The following MAD1L1 variants were observed in gnomAD, a reference collection of about 807,000 sequenced individuals.
MAD1L1 encodes mitotic arrest deficient 1 like 1, also known as mitotic spindle assembly checkpoint protein MAD1.
In MAD1L1, 95 loss-of-function variants were observed where a neutral mutation model predicts 96.9. The observed-to-expected ratio is 0.98, with a 90% CI of 0.83 to 1.16. The LOEUF is 1.16. Ranked by LOEUF, MAD1L1 falls within the 50% of genes most tolerant of loss-of-function variation. The probability of loss-of-function intolerance (pLI) is 0.00; values close to 1 mark genes in which losing one functional copy is unlikely to be tolerated. For missense variants in MAD1L1, 1,007 were observed against 954.4 expected (o/e 1.06, Z -0.73); for synonymous variants, 473 against 396.6 (o/e 1.19, Z -2.29).
intron 10 of MAD1L1, among the ~76,000 whole-genome samples, chr7:2,179,552 C>T (rs549413971): frequency 6.7e-6 from 1 of 149,614 alleles, no homozygotes; most frequent in South Asian, 2.1e-4. Flanking sequence ...AAAGAAAAAT[C>T]GCACTCTACA....
chr7:1,843,449 CT>C (rs1783398245), intron 18 of MAD1L1, among the ~76,000 whole-genome samples: 1 of 152,104 alleles, frequency 6.6e-6, no homozygotes, highest in African/African-American at 2.4e-5. Flanking sequence ...CATCCAGCCC[CT>C]CCTGAGGGGG....
chr7:1,939,191 C>T (rs1350224208), intron 16 of MAD1L1, among the ~76,000 whole-genome samples: 23 of 48,206 alleles, frequency 4.8e-4, no homozygotes, highest in Admixed American at 1.1e-3. Context: ...GGACCAGAGG[C>T]GCTCACACAC....
chr7:1,867,372 C>T (rs953885594), intron 18 of MAD1L1, among the ~76,000 whole-genome samples: 1 of 152,160 alleles, frequency 6.6e-6, no homozygotes, highest in African/African-American at 2.4e-5. Context: ...AGGAGAGAAG[C>T]GGGTCCAGCA....
chr7:2,216,171 C>G lies in MAD1L1; in HGVS notation c.795G>C (p.Glu265Asp). ...LERELKQLREESAHLREMRET... is the reference protein window; with the variant it reads ...LERELKQLREDSAHLREMRET... ...CAACCCCTCACCGCAGGTGCGCGCT[C>G]TCCTCCCGCAGCTGCTTCAGCTCCC... The change falls in exon 8 of 19, where the codon GAG (glutamate) becomes GAC (aspartate). Residue 265 changes from glutamate (E) to aspartate (D), a missense_variant. Physicochemically the swap from Glu to Asp is conservative, Grantham distance 45 (BLOSUM62 2). Coordinates refer to ENST00000265854, the MANE Select transcript of MAD1L1 (RefSeq NM_001013836.2). The G allele has an allele frequency of 6.2e-7, 1 of 1,613,310 alleles. No homozygotes were observed. Among genetic ancestry groups the G allele is most frequent in the Non-Finnish European group, 8.5e-7 (1 of 1,179,926 alleles).
Position 1,968,191 on chromosome 7 carries a change from C to A in MAD1L1, c.1506-10472G>T, listed in dbSNP as rs1303568937. On this transcript the variant is annotated intron_variant, in intron 15 of 18. Coordinates refer to ENST00000265854, the MANE Select transcript of MAD1L1 (RefSeq NM_001013836.2). The surrounding 1 kb of genome is among the most constrained non-coding windows in gnomAD (Gnocchi z 5.6). ...TTCGCGGACGAGGCACCCGGCAGAG[C>A]ACGCCTCAATCCGGCGGTCAGGTCC... 6.6e-6 allele frequency among the ~76,000 whole-genome samples: 1 copy of A among 152,240 alleles called. No individual in the cohort carries two copies. The highest frequency in any genetic ancestry group is 1.5e-5 in the Non-Finnish European group (1 of 68,044).
intron 18 of MAD1L1, among the ~76,000 whole-genome samples, chr7:1,837,899 C>T (rs1488239694): frequency 6.6e-6 from 1 of 152,228 alleles, no homozygotes; most frequent in Non-Finnish European, 1.5e-5. Context: ...ATAACGCAGA[C>T]TCAGCAAACA....
intron 17 of MAD1L1, among the ~76,000 whole-genome samples, chr7:1,918,577 C>A (rs1323439805): frequency 6.6e-6 from 1 of 152,204 alleles, no homozygotes; most frequent in African/African-American, 2.4e-5. Context: ...GAGGGTGGTA[C>A]CCTTCCTCTA....
intron 12 of MAD1L1, among the ~76,000 whole-genome samples, chr7:2,053,037 C>T (rs1017272019): frequency 2.0e-5 from 3 of 152,138 alleles, no homozygotes; most frequent in Non-Finnish European, 4.4e-5. Flanking sequence ...ATCTGAAGGC[C>T]GAGCCGTCCC....
chr7:1,926,153 CAG>C (rs1789076765), intron 17 of MAD1L1, among the ~76,000 whole-genome samples: 1 of 152,290 alleles, frequency 6.6e-6, no homozygotes, highest in East Asian at 1.9e-4. Context: ...CATTTGATCA[CAG>C]ATATAATGAA....
At position 1,948,715 on chromosome 7, in the gene MAD1L1, C is replaced by T. The variant is rs919105609; in HGVS notation, c.1596+8914G>A. On this transcript the variant is annotated intron_variant, in intron 16 of 18. Coordinates refer to ENST00000265854, the MANE Select transcript of MAD1L1 (RefSeq NM_001013836.2). ...GGCGGCCTGCCGTGGCCAGGGAAGA[C>T]GGCATGTGAGAGTCTCCACTGGTCA... 5.3e-5 allele frequency among the ~76,000 whole-genome samples: 8 copies of T among 152,164 alleles called. No homozygotes were observed. The East Asian group carries it at 5.8e-4, about 11-fold the overall frequency.
intron 14 of MAD1L1, among the ~76,000 whole-genome samples, chr7:1,985,233 G>A (rs540538413): frequency 4.9e-4 from 74 of 152,356 alleles, no homozygotes; most frequent in African/African-American, 1.7e-3. Flanking sequence ...CTTGAGGCCG[G>A]AATGAAATGA....
intron 18 of MAD1L1, among the ~76,000 whole-genome samples, chr7:1,881,239 C>T (rs1482242141): frequency 2.0e-5 from 3 of 152,094 alleles, no homozygotes; most frequent in Admixed American, 6.6e-5. Flanking sequence ...TAAATGGTCA[C>T]GCATTTGAAT....
chr7:2,051,747 C>A (rs181656702), intron 12 of MAD1L1, among the ~76,000 whole-genome samples: 2 of 131,392 alleles, frequency 1.5e-5, no homozygotes, highest in Non-Finnish European at 3.3e-5. Context: ...TTGCTTTCCA[C>A]CCCCCACCAC....
intron 17 of MAD1L1, among the ~76,000 whole-genome samples, chr7:1,910,862 G>C (rs1787970540): frequency 6.6e-6 from 1 of 152,222 alleles, no homozygotes; most frequent in African/African-American, 2.4e-5. Flanking sequence ...AAAGCAGGGA[G>C]AGGGCTCCCT....
intron 18 of MAD1L1, among the ~76,000 whole-genome samples, chr7:1,825,555 C>T (rs1262704109): frequency 6.6e-6 from 1 of 152,242 alleles, no homozygotes; most frequent in South Asian, 2.1e-4. Context: ...CGGCACCCAG[C>T]GGCCAGGGCA....
At chr7:1,955,652 C>A (rs1467852675) in intron 16 of MAD1L1, among the ~76,000 whole-genome samples, 2 of 152,128 alleles carry the variant, frequency 1.3e-5, no homozygotes, top group South Asian at 4.1e-4. Flanking sequence ...ACACCCAGCA[C>A]GGTGACAACA....
intron 10 of MAD1L1, among the ~76,000 whole-genome samples, chr7:2,177,651 C>T (rs1791008198): frequency 6.6e-6 from 1 of 152,222 alleles, no homozygotes; most frequent in Admixed American, 6.5e-5. Flanking sequence ...CCACATCAGA[C>T]ATTTCATGTT....
chr7:1,866,092 C>T (rs921554732), intron 18 of MAD1L1, among the ~76,000 whole-genome samples: 4 of 152,254 alleles, frequency 2.6e-5, no homozygotes, highest in Non-Finnish European at 5.9e-5. Flanking sequence ...CGAGTGCCCC[C>T]TGACAGACCG....
chr7:1,932,986 T>C (rs937929229), intron 17 of MAD1L1, among the ~76,000 whole-genome samples: 1 of 152,262 alleles, frequency 6.6e-6, no homozygotes, highest in Non-Finnish European at 1.5e-5. Context: ...CTGCTTTCTC[T>C]TGGTGTGTGT....
Sources: allele counts gnomAD v4.1 joint callset (sites outside exome capture counted in the v4.1 genomes callset), GRCh38; gene constraint gnomAD v4.1.1; non-coding constraint Gnocchi (gnomAD v3.1); transcripts MANE v1.5; gene names NCBI Gene and HGNC (gene_info 2026-07-23, HGNC 2026-07-21).